GPAT3: variants seen among roughly 807,000 people sequenced by gnomAD.
GPAT3 encodes the protein glycerol-3-phosphate acyltransferase 3, also known as 1-AGP acyltransferase 9.
GPAT3 carries 53 observed loss-of-function variants against 58.8 expected under a neutral mutation model. That is an observed-to-expected ratio of 0.90 (90% confidence interval 0.72 to 1.13). The LOEUF (loss-of-function observed/expected upper bound fraction) is 1.13, where lower values mean the gene tolerates loss of function less well. Among genes scored for constraint, GPAT3 ranks in the 50% most tolerant of loss-of-function variants. The pLI is 0.00. For missense variants in GPAT3, 511 were observed against 527.6 expected, an observed-to-expected ratio of 0.97 and a Z score of 0.31; for synonymous variants, 197 against 187.4, an observed-to-expected ratio of 1.05 and a Z score of -0.42.
At position 83,590,218 on chromosome 4, in the gene GPAT3, G is replaced by C. The variant is rs561712641; in HGVS notation, c.664G>C (p.Gly222Arg). The C allele has an allele frequency of 4.3e-6, 7 of 1,613,764 alleles. No homozygotes were observed. The highest frequency in any genetic ancestry group is 1.7e-5 in the Admixed American group (1 of 59,964). Residue 222 changes from glycine (G) to arginine (R), a missense_variant, in exon 6 of 12, where the codon GGA becomes CGA. By Grantham distance (125) the Gly-to-Arg change is moderately radical. Coordinates refer to ENST00000264409, the MANE Select transcript of GPAT3 (RefSeq NM_032717.5). ...YHNKQYRPQK[G>R]GICVANHTSP... is the part of the protein sequence containing the mutation. ...TTGCAGGCAGTACAGACCCCAGAAG[G>C]GAGGCATTTGTGTTGCCAACCATAC...
At chr4:83,544,997 A>G (rs1724454152) in intron 2 of GPAT3, among the ~76,000 whole-genome samples, 1 of 152,338 alleles carries the variant, frequency 6.6e-6, no homozygotes, top group South Asian at 2.1e-4. Flanking sequence ...ATGTTCCTCA[A>G]AGTACTCTTT....
At chr4:83,550,316 A>G (rs1283512917) in intron 2 of GPAT3, among the ~76,000 whole-genome samples, 1 of 152,158 alleles carries the variant, frequency 6.6e-6, no homozygotes, top group Non-Finnish European at 1.5e-5. Context: ...TACAGCCATG[A>G]GCCCCCACAC....
intron 2 of GPAT3, among the ~76,000 whole-genome samples, chr4:83,579,030 CTTTCTTTCTTT>C (rs1725961795): frequency 1.3e-4 from 3 of 23,066 alleles, no homozygotes; most frequent in Non-Finnish European, 1.7e-4. Context: ...TTCTTTCTTT[CTTTCTTTCTTT>C]CTTTCTTTCT....
chr4:83,595,346 C>A lies in GPAT3; in HGVS notation c.854+386C>A, dbSNP rs78315908. On this transcript the variant is annotated intron_variant, in intron 7 of 11. Coordinates refer to ENST00000264409, the MANE Select transcript of GPAT3 (RefSeq NM_032717.5). ...AAAATATATAAAAAAGAAAAAAAAACCACCTTGAAGGTTAAATATTTGATA... is the reference window on the plus strand; with the variant it reads ...AAAATATATAAAAAAGAAAAAAAAAACACCTTGAAGGTTAAATATTTGATA... 787 of 152,748 alleles carry A rather than the reference C, an allele frequency of 5.2e-3. 32 individuals carry two copies. In the East Asian group the frequency reaches 0.092, roughly 18 times the overall value. The allele number at this position is 152,748 out of a possible 1,614,324, so 9.5% of individuals were successfully genotyped here.
intron 6 of GPAT3, 77 bp from the exon 7 acceptor site, chr4:83,594,768 A>C: frequency 6.9e-6 from 8 of 1,156,634 alleles, no homozygotes; most frequent in Non-Finnish European, 1.0e-5. Flanking sequence ...GGAGAATAGA[A>C]ATTTGTTGGT....
chr4:83,598,852 T>G, intron 11 of GPAT3, 129 bp downstream of exon 11: 2 of 661,878 alleles, frequency 3.0e-6, no homozygotes, highest in Non-Finnish European at 4.9e-6. Flanking sequence ...CACTGTAGCC[T>G]GATCATAGTT....
intron 2 of GPAT3, among the ~76,000 whole-genome samples, chr4:83,560,388 C>A (rs943303857): frequency 3.3e-5 from 5 of 152,136 alleles, no homozygotes; most frequent in Non-Finnish European, 7.3e-5. Context: ...GGCAGCCGTA[C>A]CTGCTCATTT....
intron 2 of GPAT3, among the ~76,000 whole-genome samples, chr4:83,566,634 A>T (rs1258394323): frequency 6.6e-6 from 1 of 151,582 alleles, no homozygotes; most frequent in Admixed American, 6.6e-5. Flanking sequence ...TCTATGATAC[A>T]AGGAAATACA....
At chr4:83,569,428 C>T (rs1219164811) in intron 2 of GPAT3, among the ~76,000 whole-genome samples, 9 of 152,176 alleles carry the variant, frequency 5.9e-5, no homozygotes, top group Admixed American at 3.3e-4. Context: ...TAAACCTTGC[C>T]TGGCTGACGG....
intron 6 of GPAT3, among the ~76,000 whole-genome samples, chr4:83,592,479 C>A (rs1431175017): frequency 6.6e-6 from 1 of 152,124 alleles, no homozygotes; most frequent in Admixed American, 6.5e-5. Context: ...TAAAAGAAAT[C>A]TACTGTTTAA....
rs1560621188 is a variant in GPAT3, at chr4:83,579,058, CTT to C, written c.209-2502_209-2501del. On this transcript the variant is annotated intron_variant, in intron 2 of 11. Coordinates refer to ENST00000264409, the MANE Select transcript of GPAT3 (RefSeq NM_032717.5). ...TCTTTCTTTCTTTCTTTCTTTCTTT[CTT>C]TCTTTCTTTCTTTCTTTCTTCCCTT... Among the ~76,000 whole-genome samples the C allele has an allele frequency of 1.0e-4, 4 of 38,790 alleles. 1 individual carries two copies. The highest frequency in any genetic ancestry group is 4.1e-4 in the African/African-American group (4 of 9,840). 25.4% of individuals were successfully genotyped at this position (38,790 alleles called of 152,430 possible).
intron 2 of GPAT3, among the ~76,000 whole-genome samples, chr4:83,563,478 C>CTTTTTTTTTT (rs908400401): frequency 1.7e-5 from 2 of 114,456 alleles, no homozygotes; most frequent in Non-Finnish European, 3.7e-5. Context: ...TTTCTTTCTT[C>CTTTTTTTTTT]TTTTTTTTTT....
rs772468204 is a variant in GPAT3 at position 83,536,144 on chromosome 4, G to T, written c.-479G>T. On this transcript the variant is annotated 5_prime_UTR_variant, in exon 1 of 12. Transcript: ENST00000264409. ...CAGCCCGCGGCCCGGTGCCAGCTCC[G>T]CCGGCGACCGGTGTGCCAAAGTGCG... 1.2e-4 allele frequency: 117 copies of T among 985,690 alleles called. No homozygotes were observed. The highest frequency in any genetic ancestry group is 1.3e-4 in the Non-Finnish European group (110 of 830,152). 61.1% of individuals were successfully genotyped at this position (985,690 alleles called of 1,614,324 possible). A position where few individuals can be genotyped will look rare whatever the true frequency, so the allele number is the denominator to read the frequency against.
In GPAT3 at chr4:83,568,528, G is replaced by A. The variant is rs1488117613; in HGVS notation, c.209-13034G>A. 2.0e-5 allele frequency among the ~76,000 whole-genome samples: 3 copies of A among 146,514 alleles called. No homozygotes were observed. In the South Asian group the frequency reaches 6.4e-4, roughly 31 times the overall value. On this transcript the variant is annotated intron_variant, in intron 2 of 11. Coordinates refer to ENST00000264409, the MANE Select transcript of GPAT3 (RefSeq NM_032717.5). ...GTATTCACTTTTTTTTTTTTTTTGA[G>A]ACGGAGTCTCGCTCTGTTGCCCAGG...
Position 83,581,790 on chromosome 4 carries a change from T to C in GPAT3, c.437T>C (p.Val146Ala), listed in dbSNP as rs953768221. 1 of 1,614,166 alleles carries C rather than the reference T, an allele frequency of 6.2e-7. No homozygotes were observed. Among genetic ancestry groups the C allele is most frequent in the Non-Finnish European group, 8.5e-7 (1 of 1,180,018 alleles). ...YISLRLTMVW[V>A]LGVIVRYCVL... ...AGTCTGCGGCTCACTATGGTGTGGG[T>C]GCTGGGCGTCATAGTGCGCTATTGT... is the stretch of plus-strand genomic sequence containing the variant. The change falls in exon 3 of 12, where the codon GTG (valine) becomes GCG (alanine). Residue 146 changes from valine to alanine, a missense_variant. Physicochemically the swap from Val to Ala is moderately conservative, Grantham distance 64. Coordinates refer to ENST00000264409, the MANE Select transcript of GPAT3 (RefSeq NM_032717.5).
intron 2 of GPAT3, among the ~76,000 whole-genome samples, chr4:83,574,411 C>T (rs757494365): frequency 2.6e-5 from 4 of 152,070 alleles, no homozygotes; most frequent in South Asian, 2.1e-4. Flanking sequence ...ACAGGCCTTT[C>T]GTATCTGGTA....
In GPAT3 at chr4:83,598,139, T is replaced by C; in HGVS notation, c.1085T>C (p.Ile362Thr). Residue 362 changes from isoleucine to threonine, a missense_variant, in exon 10 of 12, where the codon ATC (isoleucine) becomes ACC (threonine). Transcript: ENST00000264409. ...CTTCGAATGATGACCAGCTGGGCCA[T>C]CGTCTGTGACGTGTGGTACATGCCC... is the stretch of plus-strand genomic sequence containing the variant. Reference protein sequence around the residue: ...YLLRMMTSWAIVCDVWYMPPM... With the variant: ...YLLRMMTSWATVCDVWYMPPM... 6.2e-7 allele frequency: 1 copy of C among 1,613,704 alleles called. No homozygotes were observed. The highest frequency in any genetic ancestry group is 1.1e-5 in the South Asian group (1 of 91,028).
At position 83,544,572 on chromosome 4, in the gene GPAT3, G is replaced by A. The variant is rs1198282914; in HGVS notation, c.178G>A (p.Glu60Lys). 1 of 1,614,024 alleles carries A rather than the reference G, an allele frequency of 6.2e-7. No homozygotes were observed. Among genetic ancestry groups the A allele is most frequent in the South Asian group, 1.1e-5 (1 of 91,074 alleles). Residue 60 changes from glutamate (E) to lysine (K), a missense_variant, in exon 2 of 12, where the codon GAG (glutamate) becomes AAG (lysine). By Grantham distance (56) the Glu-to-Lys change is moderately conservative. Transcript: ENST00000264409. ...ACGAATTGAAAAAGGAACCCCAAAG[G>A]AGTCGATTCTTAAAAACTCTGCTTC... ...TIRIEKGTPK[E>K]SILKNSASVG...
At chr4:83,553,885 A>T (rs1724848251) in intron 2 of GPAT3, among the ~76,000 whole-genome samples, 1 of 152,022 alleles carries the variant, frequency 6.6e-6, no homozygotes, top group Non-Finnish European at 1.5e-5. Context: ...TCAAAAAATA[A>T]ATAAATAAAT....
Sources: allele counts gnomAD v4.1 joint callset (sites outside exome capture counted in the v4.1 genomes callset), GRCh38; gene constraint gnomAD v4.1.1; transcripts MANE v1.5; gene names NCBI Gene and HGNC (gene_info 2026-07-23, HGNC 2026-07-21).